The following TNRC6B variants were observed in gnomAD, a reference collection of about 807,000 sequenced individuals.
TNRC6B encodes trinucleotide repeat-containing gene 6B protein.
TNRC6B carries 52 observed loss-of-function variants against 203.6 expected under a neutral mutation model. The ratio of observed to expected loss-of-function variants is 0.26; its 90% confidence interval spans 0.20 to 0.32. TNRC6B has a LOEUF of 0.32. Among genes scored for constraint, TNRC6B ranks in the 10% least tolerant of loss-of-function variants. The pLI, the probability that TNRC6B is intolerant of heterozygous loss-of-function variation, is 1.00. For missense variants in TNRC6B, 1,923 were observed against 2,286.2 expected, an observed-to-expected ratio of 0.84 and a Z score of 3.24; for synonymous variants, 838 against 845.7, an observed-to-expected ratio of 0.99 and a Z score of 0.16.
At chr22:40,146,035 C>A (rs892034785) in intron 3 of TNRC6B, among the ~76,000 whole-genome samples, 4 of 152,108 alleles carry the variant, frequency 2.6e-5, no homozygotes, top group African/African-American at 9.7e-5. Context: ...GATGAAATGG[C>A]TGTGGCAGAA....
chr22:40,159,730 T>A (rs938519218), intron 4 of TNRC6B, among the ~76,000 whole-genome samples: 1 of 152,198 alleles, frequency 6.6e-6, no homozygotes, highest in Non-Finnish European at 1.5e-5. Context: ...TGTACATTTT[T>A]AAACAACAAT....
chr22:40,246,872 A>G (rs1045971972), intron 2 of TNRC6B, among the ~76,000 whole-genome samples: 3 of 152,104 alleles, frequency 2.0e-5, no homozygotes, highest in Admixed American at 1.3e-4. Context: ...TAGTGAGCCC[A>G]CGTAGTGCTT....
chr22:40,066,117 T>C (rs2067892059), intron 1 of TNRC6B, among the ~76,000 whole-genome samples: 1 of 152,092 alleles, frequency 6.6e-6, no homozygotes, highest in Non-Finnish European at 1.5e-5. Flanking sequence ...AGTAAAGGTA[T>C]TCCTCTGAGT....
intron 1 of TNRC6B, among the ~76,000 whole-genome samples, chr22:40,206,809 A>G (rs1055025088): frequency 6.6e-6 from 1 of 152,158 alleles, no homozygotes; most frequent in African/African-American, 2.4e-5. Flanking sequence ...GAGAGGCGAC[A>G]GGTGACACTG....
At chr22:40,050,498 C>T (rs2067735776) in intron 1 of TNRC6B, among the ~76,000 whole-genome samples, 1 of 152,138 alleles carries the variant, frequency 6.6e-6, no homozygotes, top group Non-Finnish European at 1.5e-5. Context: ...TTGGGCTGTC[C>T]TTGCTCTGCT....
At chr22:40,125,630 GACAC>G in intron 2 of TNRC6B, 28 of 535,094 alleles carry the variant, frequency 5.2e-5, no homozygotes, top group South Asian at 7.9e-5. Context: ...CATGTGCATA[GACAC>G]ACACACACAC....
intron 2 of TNRC6B, among the ~76,000 whole-genome samples, chr22:40,122,291 T>C (rs946317455): frequency 1.1e-4 from 16 of 152,162 alleles, no homozygotes; most frequent in African/African-American, 3.9e-4. Context: ...CTCTGACTAA[T>C]AAAGCGGTAT....
intron 3 of TNRC6B, among the ~76,000 whole-genome samples, chr22:40,256,449 C>A (rs1210190666): frequency 6.6e-6 from 1 of 152,154 alleles, no homozygotes; most frequent in East Asian, 1.9e-4. Context: ...CAAAGTTGGC[C>A]TCACTGCCAA....
intron 3 of TNRC6B, among the ~76,000 whole-genome samples, chr22:40,127,113 T>C (rs1443883071): frequency 1.3e-5 from 2 of 151,706 alleles, no homozygotes; most frequent in African/African-American, 4.8e-5. Flanking sequence ...ATGTGCTGAT[T>C]TTCCTTGGCT....
At chr22:40,236,227 C>G (rs1009291483) in intron 1 of TNRC6B, among the ~76,000 whole-genome samples, 2 of 152,202 alleles carry the variant, frequency 1.3e-5, no homozygotes, top group Non-Finnish European at 2.9e-5. Flanking sequence ...TCTGTCACCA[C>G]AAGGGTCACT....
chr22:40,148,940 T>A (rs2146345231), intron 3 of TNRC6B, among the ~76,000 whole-genome samples: 1 of 152,288 alleles, frequency 6.6e-6, no homozygotes, highest in East Asian at 1.9e-4. Flanking sequence ...TACCTTGATT[T>A]TGGACTTCTA....
At chr22:40,282,205 T>G (rs769908326) in intron 11 of TNRC6B, among the ~76,000 whole-genome samples, 7 of 152,258 alleles carry the variant, frequency 4.6e-5, no homozygotes, top group Non-Finnish European at 1.0e-4. Context: ...CTCCATATGA[T>G]AACTTCCACA....
chr22:40,266,983 C>T lies in TNRC6B; in HGVS notation c.2753C>T (p.Pro918Leu), dbSNP rs750531637. 5 of 1,611,928 alleles carry T rather than the reference C, an allele frequency of 3.1e-6. No homozygotes were observed. The highest frequency in any genetic ancestry group is 2.2e-5 in the East Asian group (1 of 44,824). The change falls in exon 5 of 23, where the codon CCA becomes CTA. Residue 918 changes from proline (P) to leucine (L), a missense_variant. Pro to Leu is a moderately conservative substitution (Grantham distance 98). Coordinates refer to ENST00000454349, the MANE Select transcript of TNRC6B (RefSeq NM_001162501.2). ...TGGGATAAGAATTCCCAAGGGGGCC[C>T]AGCACCTCGAGAACCAAACCTGCCC... Reference protein sequence around the residue: ...NLWDKNSQGGPAPREPNLPTP... With the variant: ...NLWDKNSQGGLAPREPNLPTP...
chr22:40,277,199 T>C, intron 8 of TNRC6B, 48 bp downstream of exon 8: 1 of 1,390,512 alleles, frequency 7.2e-7, no homozygotes, highest in Non-Finnish European at 9.9e-7. Flanking sequence ...ACTTTTAGGT[T>C]TAATATTAAT....
In TNRC6B at chr22:40,162,598, AGTT is replaced by A. The variant is rs371342522; in HGVS notation, c.113+6426_113+6428del. 1.1e-3 allele frequency among the ~76,000 whole-genome samples: 169 copies of A among 152,352 alleles called. 1 individual carries two copies. The East Asian group carries it at 0.027, about 24-fold the overall frequency. On this transcript the variant is annotated intron_variant, in intron 4 of 23. Transcript: ENST00000301923. Reference sequence around the variant, plus strand: ...AAATGTTGGTATTTGGCCATAGGAAAGTTGTTGTTGTTAACGTTTTAATTTTGT... The same window carrying A: ...AAATGTTGGTATTTGGCCATAGGAAAGTTGTTGTTAACGTTTTAATTTTGT...
intron 1 of TNRC6B, among the ~76,000 whole-genome samples, chr22:40,078,556 A>G (rs1569252892): frequency 6.6e-6 from 1 of 152,054 alleles, no homozygotes; most frequent in East Asian, 1.9e-4. Flanking sequence ...TCACCAATTA[A>G]TTACTACTGA....
chr22:40,214,124 G>A (rs940311111), intron 1 of TNRC6B, among the ~76,000 whole-genome samples: 17 of 152,020 alleles, frequency 1.1e-4, no homozygotes, highest in African/African-American at 3.4e-4. Flanking sequence ...AAAACTAGCC[G>A]GGCGTGGTGG....
chr22:40,130,095 G>A (rs2068527833), intron 3 of TNRC6B, among the ~76,000 whole-genome samples: 1 of 152,160 alleles, frequency 6.6e-6, no homozygotes, highest in South Asian at 2.1e-4. Context: ...CAATGAGGAG[G>A]AGGATTAAGT....
At chr22:40,209,256 T>C (rs2069526726) in intron 1 of TNRC6B, among the ~76,000 whole-genome samples, 1 of 78,488 alleles carries the variant, frequency 1.3e-5, no homozygotes, top group South Asian at 4.8e-4. Context: ...AAAGATAGCT[T>C]ATACCTGCCC....
Sources: gnomAD v4.1 joint callset for allele counts (sites outside exome capture counted in the v4.1 genomes callset) on GRCh38, gnomAD v4.1.1 for gene constraint, MANE v1.5 for transcripts, NCBI Gene and HGNC (gene_info 2026-07-23, HGNC 2026-07-21) for gene names.